Variants in NRXN1 observed in about 807,000 individuals in gnomAD.
NRXN1 encodes neurexin 1, also known as neurexin-1.
A neutral mutation model predicts 150.9 loss-of-function variants in NRXN1; 39 were observed. The observed-to-expected ratio is 0.26, with a 90% confidence interval of 0.20 to 0.34. NRXN1 has a LOEUF of 0.34. Ranked by LOEUF, NRXN1 falls within the 10% of genes least tolerant of loss-of-function variation. The pLI, the probability that NRXN1 is intolerant of heterozygous loss-of-function variation, is 1.00. For synonymous variants in NRXN1, 924 were observed against 757.0 expected (o/e 1.22, Z -3.62); for missense variants, 1,815 against 1,949.9 (o/e 0.93, Z 1.30).
At chr2:50,252,806 T>G (rs1414337998) in intron 17 of NRXN1, among the ~76,000 whole-genome samples, 2 of 152,170 alleles carry the variant, frequency 1.3e-5, no homozygotes, top group Non-Finnish European at 2.9e-5. Flanking sequence ...GCTGTTTGGT[T>G]ACTGTAGCCT....
intron 5 of NRXN1, among the ~76,000 whole-genome samples, chr2:50,886,645 C>G (rs1680295202): frequency 6.6e-6 from 1 of 151,350 alleles, no homozygotes; most frequent in Non-Finnish European, 1.5e-5. Flanking sequence ...TATCAATAGT[C>G]ATTTGTGTGA....
chr2:51,003,426 A>G (rs1220442329), intron 2 of NRXN1, among the ~76,000 whole-genome samples: 2 of 152,022 alleles, frequency 1.3e-5, no homozygotes, highest in Admixed American at 1.3e-4. Flanking sequence ...GACTAGAGAT[A>G]AATTATGGTG....
chr2:50,427,566 T>C (rs987572852), intron 17 of NRXN1, among the ~76,000 whole-genome samples: 4 of 151,224 alleles, frequency 2.6e-5, no homozygotes, highest in Admixed American at 1.3e-4. Flanking sequence ...GTGTGTGGTA[T>C]TGGTGATGTG....
At chr2:50,267,047 C>T (rs777287645) in intron 17 of NRXN1, among the ~76,000 whole-genome samples, 10 of 152,088 alleles carry the variant, frequency 6.6e-5, no homozygotes, top group Non-Finnish European at 1.2e-4. Context: ...CAGAGCAATC[C>T]CTTGTATAGG....
chr2:50,636,900 T>C (rs1573911997), intron 5 of NRXN1, among the ~76,000 whole-genome samples: 1 of 152,166 alleles, frequency 6.6e-6, no homozygotes, highest in African/African-American at 2.4e-5. Context: ...GAAAATAAAA[T>C]ATTTTAAAAG....
chr2:49,992,592 A>T (rs2152522316), intron 21 of NRXN1, among the ~76,000 whole-genome samples: 1 of 152,066 alleles, frequency 6.6e-6, no homozygotes, highest in African/African-American at 2.4e-5. Flanking sequence ...AACAACAACA[A>T]TACTTCTGTT....
In NRXN1 at chr2:50,779,041, A is replaced by G. The variant is rs539191347; in HGVS notation, c.832+142828T>C. Among the ~76,000 whole-genome samples, 3 of 152,176 alleles carry G rather than the reference A, an allele frequency of 2.0e-5. No individual in the cohort carries two copies. The East Asian group carries it at 5.8e-4, about 29-fold the overall frequency. On this transcript the variant is annotated intron_variant, in intron 5 of 22. Transcript: ENST00000401669. ...CATTTTTTTTCTTCTTCTTTTAATT[A>G]TACTTTAAGTTCTGGGATACATGTG...
intron 2 of NRXN1, among the ~76,000 whole-genome samples, chr2:50,934,417 G>A (rs1293690999): frequency 6.6e-6 from 1 of 151,864 alleles, no homozygotes; most frequent in Non-Finnish European, 1.5e-5. Context: ...AATTTTGTTT[G>A]TACGTATTAG....
chr2:50,239,000 C>T (rs1326043706), intron 17 of NRXN1, among the ~76,000 whole-genome samples: 2 of 151,924 alleles, frequency 1.3e-5, no homozygotes, highest in African/African-American at 4.8e-5. Context: ...TCAAAAGCAC[C>T]AGTCAGTGCA....
chr2:50,656,459 T>G, intron 5 of NRXN1: 2 of 749,564 alleles, frequency 2.7e-6, no homozygotes, highest in East Asian at 5.0e-5. Context: ...TAGATTCTTT[T>G]CAGTTTTTGC....
At chr2:50,620,310 T>C in intron 7 of NRXN1, 127 bp from the exon 8 acceptor site, 1 of 1,115,938 alleles carries the variant, frequency 9.0e-7, no homozygotes, top group Admixed American at 2.8e-5. Flanking sequence ...TTTCTTTTTT[T>C]CTGTTTGTTT....
intron 5 of NRXN1, among the ~76,000 whole-genome samples, chr2:50,625,943 T>G (rs896218201): frequency 6.6e-6 from 1 of 152,054 alleles, no homozygotes; most frequent in African/African-American, 2.4e-5. Context: ...TTATGAAATC[T>G]AGAATTTTCT....
At chr2:50,635,924 T>C (rs1683176997) in intron 5 of NRXN1, among the ~76,000 whole-genome samples, 1 of 152,188 alleles carries the variant, frequency 6.6e-6, no homozygotes, top group Non-Finnish European at 1.5e-5. Flanking sequence ...AACAATTCTA[T>C]GAGAAAAATT....
intron 5 of NRXN1, among the ~76,000 whole-genome samples, chr2:50,815,537 A>G (rs1041505695): frequency 6.6e-6 from 1 of 152,044 alleles, no homozygotes; most frequent in African/African-American, 2.4e-5. Context: ...TTCTATTTCT[A>G]TTTCAAATAT....
chr2:51,028,261 G>T lies in NRXN1; in HGVS notation c.13C>A (p.Leu5Met). MGTA[L>M]LQRGGCFLLC... ...AGAAAACAGCCCCCGCGCTGGAGCA[G>T]CGCCGTCCCCATGCTCGGGGCTGGG... The change falls in exon 2 of 23, where the codon CTG becomes ATG. Residue 5 changes from leucine (L) to methionine (M), a missense_variant. Physicochemically the swap from Leu to Met is conservative, Grantham distance 15 (BLOSUM62 2). This residue lies in a region of NRXN1 where 554 missense variants were observed against 478.8 expected (regional missense o/e 1.16). Transcript: ENST00000401669. The T allele has an allele frequency of 6.9e-7, 1 of 1,450,864 alleles. No individual in the cohort carries two copies. The highest frequency in any genetic ancestry group is 9.0e-7 in the Non-Finnish European group (1 of 1,107,758). 89.9% of individuals were successfully genotyped at this position (1,450,864 alleles called of 1,614,324 possible).
At chr2:50,291,376 G>A (rs2072907245) in intron 17 of NRXN1, among the ~76,000 whole-genome samples, 1 of 151,996 alleles carries the variant, frequency 6.6e-6, no homozygotes, top group African/African-American at 2.4e-5. Flanking sequence ...GCTTAATTGG[G>A]CACCCACTCT....
intron 2 of NRXN1, among the ~76,000 whole-genome samples, chr2:50,932,131 T>C (rs1194358837): frequency 6.6e-6 from 1 of 152,102 alleles, no homozygotes; most frequent in Non-Finnish European, 1.5e-5. Flanking sequence ...TTCACACCTG[T>C]AATCCCAGTA....
chr2:50,090,943 A>C (rs192098540), intron 19 of NRXN1, among the ~76,000 whole-genome samples: 16 of 152,288 alleles, frequency 1.1e-4, no homozygotes, highest in African/African-American at 3.4e-4. Flanking sequence ...AGAAAAAAAA[A>C]GTGTTATAAT....
intron 17 of NRXN1, among the ~76,000 whole-genome samples, chr2:50,368,835 C>T (rs547871870): frequency 4.5e-4 from 68 of 152,038 alleles, no homozygotes; most frequent in East Asian, 1.2e-3. Flanking sequence ...AGAAAGCAAA[C>T]GAGTGGGGGT....
Sources: gnomAD v4.1 joint callset for allele counts (sites outside exome capture counted in the v4.1 genomes callset) on GRCh38, gnomAD v4.1.1 for gene constraint, gnomAD v4.1.1 regional missense constraint, MANE v1.5 for transcripts, NCBI Gene and HGNC (gene_info 2026-07-23, HGNC 2026-07-21) for gene names.